The following TNRC6B variants were observed in gnomAD, a reference collection of about 807,000 sequenced individuals.
The protein encoded by TNRC6B is trinucleotide repeat-containing gene 6B protein.
TNRC6B carries 52 observed loss-of-function variants against 203.6 expected under a neutral mutation model. The ratio of observed to expected loss-of-function variants is 0.26; its 90% confidence interval spans 0.20 to 0.32. The LOEUF is 0.32. Among genes scored for constraint, TNRC6B ranks in the 10% least tolerant of loss-of-function variants. TNRC6B has a pLI of 1.00. For missense variants in TNRC6B, 1,923 were observed against 2,286.2 expected, an observed-to-expected ratio of 0.84 and a Z score of 3.24; for synonymous variants, 838 against 845.7, an observed-to-expected ratio of 0.99 and a Z score of 0.16.
At chr22:40,197,322 C>T (rs1490571763) in intron 1 of TNRC6B, among the ~76,000 whole-genome samples, 1 of 151,992 alleles carries the variant, frequency 6.6e-6, no homozygotes, top group East Asian at 1.9e-4. Context: ...CACTGTTGCC[C>T]CTCGCTGGAG....
chr22:40,329,326 A>C lies in TNRC6B; in HGVS notation c.*6085A>C, dbSNP rs576965951. On this transcript the variant is annotated 3_prime_UTR_variant, in exon 23 of 23. Coordinates refer to ENST00000454349, the MANE Select transcript of TNRC6B (RefSeq NM_001162501.2). ...TCTGTAAGAAAACAGAATATTATCT[A>C]GATTTCCAGAGTTAGTGCAGACCCT... 2.0e-5 allele frequency: 3 copies of C among 152,250 alleles called. No homozygotes were observed. Among genetic ancestry groups the C allele is most frequent in the African/African-American group, 7.2e-5 (3 of 41,456 alleles). The allele number at this position is 152,250 out of a possible 1,614,324, so 9.4% of individuals were successfully genotyped here. A position where few individuals can be genotyped will look rare whatever the true frequency, so the allele number is the denominator to read the frequency against.
At chr22:40,306,110 A>G (rs1601509687) in intron 15 of TNRC6B, among the ~76,000 whole-genome samples, 1 of 151,792 alleles carries the variant, frequency 6.6e-6, no homozygotes, top group South Asian at 2.1e-4. Context: ...GGCTAACACG[A>G]TGAAACCCCG....
intron 21 of TNRC6B, among the ~76,000 whole-genome samples, chr22:40,319,820 G>T (rs1299255916): frequency 6.6e-6 from 1 of 152,126 alleles, no homozygotes; most frequent in Non-Finnish European, 1.5e-5. Flanking sequence ...TTAGAGTTCG[G>T]TACTATTGGT....
intron 3 of TNRC6B, among the ~76,000 whole-genome samples, chr22:40,260,698 A>G (rs2070367571): frequency 6.6e-6 from 1 of 152,194 alleles, no homozygotes; most frequent in African/African-American, 2.4e-5. Context: ...TTTCCCAAGG[A>G]CTTTGCCATG....
chr22:40,181,179 A>G (rs2069124260), intron 1 of TNRC6B, among the ~76,000 whole-genome samples: 1 of 152,196 alleles, frequency 6.6e-6, no homozygotes, highest in Non-Finnish European at 1.5e-5. Context: ...TCCTTTAAAA[A>G]TAAACTTCCG....
At chr22:40,278,926 G>A (rs2070689183) in intron 9 of TNRC6B, among the ~76,000 whole-genome samples, 1 of 152,120 alleles carries the variant, frequency 6.6e-6, no homozygotes, top group Admixed American at 6.5e-5. Flanking sequence ...TTTTTAGTAG[G>A]GACGGGATTT....
intron 12 of TNRC6B, among the ~76,000 whole-genome samples, chr22:40,290,092 C>G (rs1342444976): frequency 1.3e-5 from 2 of 152,232 alleles, no homozygotes; most frequent in Admixed American, 1.3e-4. Flanking sequence ...TGTTCCCCAC[C>G]CTGCCTCGGC....
chr22:40,259,807 T>C (rs914853092), intron 3 of TNRC6B, among the ~76,000 whole-genome samples: 4 of 152,234 alleles, frequency 2.6e-5, no homozygotes, highest in African/African-American at 9.6e-5. Context: ...CCCCGCATCA[T>C]TTTAGCAGTC....
chr22:40,166,873 T>A lies in TNRC6B; in HGVS notation c.113+10691T>A, dbSNP rs6001819. 2.0e-3 allele frequency among the ~76,000 whole-genome samples: 295 copies of A among 150,356 alleles called. 1 individual carries two copies. The highest frequency in any genetic ancestry group is 7.0e-3 in the African/African-American group (288 of 40,866). On this transcript the variant is annotated intron_variant, in intron 4 of 23. Transcript: ENST00000301923. The stretch of plus-strand genomic sequence containing the variant: ...TCGTGTCACCACACTCCAGCCTGGG[T>A]GACGGAGTGAGACTTTGTCTCAAAA...
intron 1 of TNRC6B, among the ~76,000 whole-genome samples, chr22:40,204,542 G>A (rs116381407): frequency 0.01 from 1,555 of 152,292 alleles, 21 homozygotes; most frequent in African/African-American, 0.034. Flanking sequence ...AGTGACTAGC[G>A]AGCGTAAATT....
intron 3 of TNRC6B, among the ~76,000 whole-genome samples, chr22:40,144,146 A>C (rs1247756304): frequency 6.6e-6 from 1 of 152,246 alleles, no homozygotes; most frequent in Admixed American, 6.5e-5. Context: ...AGCCACTTAA[A>C]GAACTGTTTC....
intron 3 of TNRC6B, among the ~76,000 whole-genome samples, chr22:40,136,371 T>TTGTGTG (rs56246561): frequency 0.33 from 46,341 of 140,878 alleles, 9,682 homozygotes; most frequent in African/African-American, 0.61. Flanking sequence ...TATGTTTATC[T>TTGTGTG]TGTGTGTGTG....
chr22:40,168,088 T>G (rs1420711211), intron 4 of TNRC6B, among the ~76,000 whole-genome samples: 1 of 152,216 alleles, frequency 6.6e-6, no homozygotes, highest in East Asian at 1.9e-4. Context: ...TGGTCTCTCT[T>G]AGAGCATAAC....
chr22:40,229,444 G>A (rs1032893462), intron 1 of TNRC6B, among the ~76,000 whole-genome samples: 1 of 151,068 alleles, frequency 6.6e-6, no homozygotes, highest in African/African-American at 2.5e-5. Flanking sequence ...TGTAGGAAAG[G>A]CTTTTTTTTT....
intron 4 of TNRC6B, among the ~76,000 whole-genome samples, chr22:40,263,052 A>T (rs915670964): frequency 2.0e-5 from 3 of 152,066 alleles, no homozygotes; most frequent in African/African-American, 7.2e-5. Context: ...AAAAAAAAAA[A>T]AAAAAGTTGT....
intron 1 of TNRC6B, among the ~76,000 whole-genome samples, chr22:40,221,230 T>C (rs1418139998): frequency 2.0e-5 from 3 of 152,228 alleles, no homozygotes; most frequent in Non-Finnish European, 2.9e-5. Flanking sequence ...ACTGTTTCCT[T>C]CTTTGAGGTG....
At chr22:40,052,570 C>T (rs2067758516) in intron 1 of TNRC6B, among the ~76,000 whole-genome samples, 2 of 151,530 alleles carry the variant, frequency 1.3e-5, no homozygotes, top group South Asian at 4.2e-4. Flanking sequence ...AGTCCTCCCA[C>T]CTCAGCCTCC....
At chr22:40,045,492 C>T (rs1200364180) in intron 1 of TNRC6B, 1 of 152,180 alleles carries the variant, frequency 6.6e-6, no homozygotes, top group South Asian at 2.1e-4. Flanking sequence ...GGAGGCGCGT[C>T]CGCCCCTGGC....
intron 4 of TNRC6B, chr22:40,156,318 G>A: frequency 3.9e-6 from 3 of 763,130 alleles, no homozygotes; most frequent in South Asian, 3.6e-5. Flanking sequence ...TTTGGTGGCT[G>A]TTAATGCATT....
Sources: gnomAD v4.1 joint callset for allele counts (sites outside exome capture counted in the v4.1 genomes callset) on GRCh38, gnomAD v4.1.1 for gene constraint, MANE v1.5 for transcripts, NCBI Gene and HGNC (gene_info 2026-07-23, HGNC 2026-07-21) for gene names.